The following NRXN3 variants were observed in gnomAD, a reference collection of about 807,000 sequenced individuals.
NRXN3 encodes neurexin 3.
NRXN3 carries 32 observed loss-of-function variants against 137.6 expected under a neutral mutation model. That is an observed-to-expected ratio of 0.23 (90% CI 0.18 to 0.31). The LOEUF is 0.31. Among genes scored for constraint, NRXN3 ranks in the 10% least tolerant of loss-of-function variants. NRXN3 has a pLI of 1.00. For synonymous variants in NRXN3, 798 were observed against 784.5 expected, an observed-to-expected ratio of 1.02 and a Z score of -0.29; for missense variants, 1,574 against 2,062.5, an observed-to-expected ratio of 0.76 and a Z score of 4.59.
At chr14:79,171,270 C>T (rs2061750608) in intron 15 of NRXN3, among the ~76,000 whole-genome samples, 1 of 152,092 alleles carries the variant, frequency 6.6e-6, no homozygotes, top group African/African-American at 2.4e-5. Context: ...ATTTGCTCTT[C>T]CTCTGTCTTC....
At position 79,866,484 on chromosome 14, in the gene NRXN3, A is replaced by G. The variant is rs1480312083; in HGVS notation, c.*4520A>G. On this transcript the variant is annotated 3_prime_UTR_variant, in exon 21 of 21. Transcript: ENST00000335750. ...TGATAGGCAGAAATAAGGGCTGTAT[A>G]TCATTCTAAGCAAACCCTTAAAGTG... The G allele has an allele frequency of 1.3e-5, 2 of 152,210 alleles. No homozygotes were observed. Among genetic ancestry groups the G allele is most frequent in the Non-Finnish European group, 2.9e-5 (2 of 68,040 alleles). The allele number at this position is 152,210 out of a possible 1,614,324, so 9.4% of individuals were successfully genotyped here. A position where few individuals can be genotyped will look rare whatever the true frequency, so the allele number is the denominator to read the frequency against.
intron 15 of NRXN3, among the ~76,000 whole-genome samples, chr14:79,364,862 G>GA (rs1202525736): frequency 3.3e-5 from 5 of 152,020 alleles, no homozygotes; most frequent in Non-Finnish European, 5.9e-5. Context: ...AATTAGTAGA[G>GA]ACCCTTTCCC....
rs368139361 is a variant in NRXN3 at position 79,158,235 on chromosome 14, T to C, written c.3262+170094T>C. Among the ~76,000 whole-genome samples the C allele has an allele frequency of 4.0e-4, 61 of 151,916 alleles. 1 individual carries two copies. Among genetic ancestry groups the C allele is most frequent in the Middle Eastern group, 3.4e-3 (1 of 294 alleles). The stretch of plus-strand genomic sequence containing the variant: ...AATCAAAACCAATGTTCACCTTAGG[T>C]TGTGTAGAAAAGTCTCTGCTAAGGC... On this transcript the variant is annotated intron_variant, in intron 15 of 20. Transcript: ENST00000335750.
At chr14:79,545,905 C>A (rs1017210849) in intron 16 of NRXN3, among the ~76,000 whole-genome samples, 3 of 151,878 alleles carry the variant, frequency 2.0e-5, no homozygotes, top group Non-Finnish European at 4.4e-5. Context: ...ATCTTGAATT[C>A]CCATGTGTTG....
intron 4 of NRXN3, among the ~76,000 whole-genome samples, chr14:78,437,590 C>T (rs576721649): frequency 3.3e-4 from 51 of 152,284 alleles, no homozygotes; most frequent in African/African-American, 1.2e-3. Flanking sequence ...CTCAAGTGAT[C>T]CACCTGCCTT....
chr14:79,811,951 G>A (rs182293844), intron 20 of NRXN3, among the ~76,000 whole-genome samples: 1 of 152,030 alleles, frequency 6.6e-6, no homozygotes, highest in South Asian at 2.1e-4. Context: ...CAGTAACTAT[G>A]TGCTTTTAAA....
At chr14:78,457,869 A>G (rs1274901103) in intron 4 of NRXN3, among the ~76,000 whole-genome samples, 1 of 152,164 alleles carries the variant, frequency 6.6e-6, no homozygotes, top group African/African-American at 2.4e-5. Flanking sequence ...GATCTCTTGC[A>G]TTAGTTCTCT....
At chr14:78,703,271 G>A (rs1404408529) in intron 6 of NRXN3, among the ~76,000 whole-genome samples, 1 of 152,200 alleles carries the variant, frequency 6.6e-6, no homozygotes, top group Non-Finnish European at 1.5e-5. Context: ...AGTGAGTGGA[G>A]TGGACAGTTT....
chr14:78,784,625 G>A (rs1181073971), intron 8 of NRXN3, among the ~76,000 whole-genome samples: 3 of 152,202 alleles, frequency 2.0e-5, no homozygotes, highest in Non-Finnish European at 4.4e-5. Flanking sequence ...AGCATGGGAA[G>A]TTATAACAAG....
At chr14:79,208,117 A>G (rs944437467) in intron 15 of NRXN3, among the ~76,000 whole-genome samples, 11 of 152,218 alleles carry the variant, frequency 7.2e-5, no homozygotes, top group Non-Finnish European at 1.3e-4. Flanking sequence ...TTTTGAGTCT[A>G]TCCCAAAGAG....
intron 20 of NRXN3, among the ~76,000 whole-genome samples, chr14:79,852,281 C>A (rs995665947): frequency 1.3e-5 from 1 of 75,794 alleles, no homozygotes. Flanking sequence ...ACACACACAC[C>A]TCTCACATGC....
intron 4 of NRXN3, among the ~76,000 whole-genome samples, chr14:78,317,870 A>G (rs1044883914): frequency 9.2e-5 from 14 of 152,300 alleles, no homozygotes; most frequent in African/African-American, 3.1e-4. Context: ...ACCTAACGTG[A>G]TACACCTATC....
At chr14:79,130,571 T>G (rs1023191324) in intron 15 of NRXN3, among the ~76,000 whole-genome samples, 95 of 151,934 alleles carry the variant, frequency 6.3e-4, no homozygotes, top group Non-Finnish European at 1.2e-3. Flanking sequence ...TGGGCTTCCC[T>G]TTGTGGGTAA....
At chr14:79,358,453 A>G (rs1250842094) in intron 15 of NRXN3, among the ~76,000 whole-genome samples, 1 of 151,374 alleles carries the variant, frequency 6.6e-6, no homozygotes, top group Non-Finnish European at 1.5e-5. Flanking sequence ...GGGCGCCTGT[A>G]GTCCCAGCTG....
Position 78,319,044 on chromosome 14 carries a change from T to C in NRXN3, c.757+21184T>C, listed in dbSNP as rs1415201546. Among the ~76,000 whole-genome samples the C allele has an allele frequency of 5.9e-5, 9 of 152,334 alleles. No homozygotes were observed. The East Asian group carries it at 9.6e-4, about 16-fold the overall frequency. On this transcript the variant is annotated intron_variant, in intron 4 of 20. Transcript: ENST00000335750. ...GATGTTGCTGGTATGTGGACCATTCTTTGGAGGGACAAGTCTTTGAGGCCA... is the reference window on the plus strand; with the variant it reads ...GATGTTGCTGGTATGTGGACCATTCCTTGGAGGGACAAGTCTTTGAGGCCA...
chr14:78,705,703 T>A (rs2098339656), intron 6 of NRXN3, among the ~76,000 whole-genome samples: 1 of 152,178 alleles, frequency 6.6e-6, no homozygotes, highest in African/African-American at 2.4e-5. Context: ...GGAACAGATA[T>A]CGAGGCTCTT....
chr14:78,698,385 C>G (rs2098248041), intron 6 of NRXN3: 2 of 152,014 alleles, frequency 1.3e-5, no homozygotes, highest in Non-Finnish European at 2.9e-5. Context: ...GTTTGGCATG[C>G]CTATTGTCAT....
At chr14:78,950,765 T>C (rs527328133) in intron 10 of NRXN3, among the ~76,000 whole-genome samples, 3 of 152,298 alleles carry the variant, frequency 2.0e-5, no homozygotes, top group South Asian at 4.1e-4. Context: ...AAATTAACAC[T>C]ATTCTAAGAA....
At chr14:79,793,299 C>G (rs1338581827) in intron 19 of NRXN3, among the ~76,000 whole-genome samples, 1 of 152,118 alleles carries the variant, frequency 6.6e-6, no homozygotes, top group East Asian at 1.9e-4. Flanking sequence ...CCGGGCGCCC[C>G]AGCTATTCGG....
Sources: gnomAD v4.1 joint callset for allele counts (sites outside exome capture counted in the v4.1 genomes callset) on GRCh38, gnomAD v4.1.1 for gene constraint, MANE v1.5 for transcripts, NCBI Gene and HGNC (gene_info 2026-07-23, HGNC 2026-07-21) for gene names.